DLC1: variants seen among roughly 807,000 people sequenced by gnomAD.
DLC1 encodes rho GTPase-activating protein 7.
DLC1 carries 54 observed loss-of-function variants against 140.3 expected under a neutral mutation model. The observed-to-expected ratio is 0.38, with a 90% CI of 0.31 to 0.48. The LOEUF is 0.48. DLC1 is among the 20% of genes least tolerant of loss of function. The probability of loss-of-function intolerance (pLI) is 0.96; values close to 1 mark genes in which losing one functional copy is unlikely to be tolerated. For missense variants in DLC1, 2,536 were observed against 1,907.0 expected, an observed-to-expected ratio of 1.33 and a Z score of -6.14; for synonymous variants, 986 against 728.1, an observed-to-expected ratio of 1.35 and a Z score of -5.70.
At chr8:13,105,878 A>G (rs1292261125) in intron 7 of DLC1, among the ~76,000 whole-genome samples, 4 of 152,134 alleles carry the variant, frequency 2.6e-5, no homozygotes, top group African/African-American at 9.7e-5. Context: ...GCACCCGGCA[A>G]TCTGTGTTCC....
At chr8:13,270,205 G>A (rs957363271) in intron 5 of DLC1, among the ~76,000 whole-genome samples, 2 of 152,178 alleles carry the variant, frequency 1.3e-5, no homozygotes, top group Non-Finnish European at 2.9e-5. Context: ...TTAAGTAGAT[G>A]TGTGACAAAT....
chr8:13,274,677 C>T (rs1255153242), intron 5 of DLC1, among the ~76,000 whole-genome samples: 2 of 152,150 alleles, frequency 1.3e-5, no homozygotes, highest in Non-Finnish European at 2.9e-5. Context: ...TTATTATTCT[C>T]ATCAGCTGTC....
chr8:13,098,675 G>C (rs1016767965), intron 9 of DLC1, 100 bp from the exon 10 acceptor site: 10 of 1,270,816 alleles, frequency 7.9e-6, no homozygotes, highest in Non-Finnish European at 1.1e-5. Context: ...GAGTGCAGTG[G>C]TGCCATCACA....
intron 5 of DLC1, among the ~76,000 whole-genome samples, chr8:13,249,138 G>A (rs1405410638): frequency 1.3e-5 from 2 of 152,160 alleles, no homozygotes; most frequent in Non-Finnish European, 2.9e-5. Flanking sequence ...GTGCAATGGC[G>A]CGATCTTCGC....
chr8:13,522,249 C>G (rs1040512905), intron 1 of DLC1, among the ~76,000 whole-genome samples: 7 of 152,000 alleles, frequency 4.6e-5, no homozygotes, highest in Admixed American at 3.3e-4. Context: ...ATCTGGGATG[C>G]CTCGTTAAAT....
chr8:13,569,011 G>T (rs965676489), intron 1 of DLC1, among the ~76,000 whole-genome samples: 4 of 152,196 alleles, frequency 2.6e-5, no homozygotes, highest in African/African-American at 9.6e-5. Flanking sequence ...AAATTATCTA[G>T]ATAGCCATTT....
At chr8:13,317,609 G>C (rs749140224) in intron 4 of DLC1, among the ~76,000 whole-genome samples, 1 of 152,086 alleles carries the variant, frequency 6.6e-6, no homozygotes, top group African/African-American at 2.4e-5. Flanking sequence ...CATAAAGATC[G>C]CATCTGTATT....
intron 5 of DLC1, among the ~76,000 whole-genome samples, chr8:13,228,075 G>T (rs1828875051): frequency 6.6e-6 from 1 of 152,066 alleles, no homozygotes; most frequent in African/African-American, 2.4e-5. Context: ...GTATATCAGG[G>T]TATCCTGTAA....
At chr8:13,345,751 G>A (rs994174924) in intron 4 of DLC1, among the ~76,000 whole-genome samples, 2 of 151,708 alleles carry the variant, frequency 1.3e-5, no homozygotes, top group African/African-American at 4.8e-5. Context: ...TAGAGATGGG[G>A]TTTCACCATG....
chr8:13,318,187 G>T (rs1025980731), intron 4 of DLC1, among the ~76,000 whole-genome samples: 3 of 149,748 alleles, frequency 2.0e-5, no homozygotes, highest in African/African-American at 7.5e-5. Flanking sequence ...ACTACACTCA[G>T]CTAATTAAAA....
intron 1 of DLC1, among the ~76,000 whole-genome samples, chr8:13,534,232 C>G (rs1405615582): frequency 6.6e-6 from 1 of 152,152 alleles, no homozygotes; most frequent in Non-Finnish European, 1.5e-5. Context: ...ACCCAGTTCA[C>G]TGTACCTCCT....
At chr8:13,489,107 C>T (rs539185145) in intron 2 of DLC1, among the ~76,000 whole-genome samples, 1 of 152,140 alleles carries the variant, frequency 6.6e-6, no homozygotes, top group African/African-American at 2.4e-5. Flanking sequence ...GCCACCATGC[C>T]TGGCTAATTT....
chr8:13,422,331 T>C (rs1026287324), intron 2 of DLC1, among the ~76,000 whole-genome samples: 1 of 152,050 alleles, frequency 6.6e-6, no homozygotes, highest in Admixed American at 6.6e-5. Flanking sequence ...TTATATTATT[T>C]TCGTATGAGA....
intron 5 of DLC1, among the ~76,000 whole-genome samples, chr8:13,303,414 T>C (rs750644759): frequency 1.3e-5 from 2 of 152,206 alleles, no homozygotes; most frequent in Non-Finnish European, 2.9e-5. Flanking sequence ...GTTGATTTCA[T>C]TAAAAAAATT....
chr8:13,408,829 G>C (rs1837671638), intron 2 of DLC1, among the ~76,000 whole-genome samples: 1 of 151,800 alleles, frequency 6.6e-6, no homozygotes, highest in Admixed American at 6.6e-5. Context: ...GTAACTCTTT[G>C]CTTTGGCTCA....
intron 5 of DLC1, among the ~76,000 whole-genome samples, chr8:13,288,849 C>T (rs1372613956): frequency 2.6e-5 from 4 of 152,300 alleles, no homozygotes; most frequent in East Asian, 3.9e-4. Flanking sequence ...CTTGCATCAA[C>T]CCAGCTTAGG....
At chr8:13,297,995 C>A (rs1164464409) in intron 5 of DLC1, among the ~76,000 whole-genome samples, 5 of 152,004 alleles carry the variant, frequency 3.3e-5, no homozygotes, top group Non-Finnish European at 7.4e-5. Context: ...TTACAAGGAG[C>A]TTGGAATAAA....
intron 1 of DLC1, among the ~76,000 whole-genome samples, chr8:13,569,101 A>G (rs539974524): frequency 3.9e-5 from 6 of 152,220 alleles, no homozygotes; most frequent in Non-Finnish European, 7.3e-5. Context: ...CACAAGGAAT[A>G]CCATGGCATT....
chr8:13,599,737 T>C (rs914361535), intron 1 of DLC1, among the ~76,000 whole-genome samples: 1 of 151,972 alleles, frequency 6.6e-6, no homozygotes, highest in African/African-American at 2.4e-5. Flanking sequence ...CAAATGTATA[T>C]ATAAACCTCT....
Sources: gnomAD v4.1 joint callset for allele counts (sites outside exome capture counted in the v4.1 genomes callset) on GRCh38, gnomAD v4.1.1 for gene constraint, MANE v1.5 for transcripts, NCBI Gene and HGNC (gene_info 2026-07-23, HGNC 2026-07-21) for gene names.